Variants in ADCK2 observed in about 807,000 individuals in gnomAD.
The protein encoded by ADCK2 is aarF domain containing kinase 2, also known as uncharacterized aarF domain-containing protein kinase 2.
A neutral mutation model predicts 52.3 loss-of-function variants in ADCK2; 37 were observed. The observed-to-expected ratio is 0.71, with a 90% CI of 0.54 to 0.93. The LOEUF is 0.93. ADCK2 is among the 40% of genes least tolerant of loss of function. The pLI, the probability that ADCK2 is intolerant of heterozygous loss-of-function variation, is 0.00. For synonymous variants in ADCK2, 321 were observed against 349.2 expected, an observed-to-expected ratio of 0.92 and a Z score of 0.90; for missense variants, 695 against 798.7, an observed-to-expected ratio of 0.87 and a Z score of 1.56.
chr7:140,693,812 C>A lies in ADCK2; in HGVS notation c.1741-851C>A, dbSNP rs1794748641. 6.6e-6 allele frequency among the ~76,000 whole-genome samples: 1 copy of A among 152,106 alleles called. No homozygotes were observed. The highest frequency in any genetic ancestry group is 1.5e-5 in the Non-Finnish European group (1 of 68,016). On this transcript the variant is annotated intron_variant, in intron 7 of 7. Transcript: ENST00000072869. The surrounding 1 kb of genome is among the most constrained non-coding windows in gnomAD (Gnocchi z 4.0). ...GCAAGCTCTGCCTCCCGAGTTCAGGCCATTCTCCTGCCTCAGCCTCCCGAG... is the reference window on the plus strand; with the variant it reads ...GCAAGCTCTGCCTCCCGAGTTCAGGACATTCTCCTGCCTCAGCCTCCCGAG...
At position 140,674,272 on chromosome 7, in the gene ADCK2, T is replaced by A. The variant is rs1268007181; in HGVS notation, c.933+9T>A. 1.9e-6 allele frequency: 3 copies of A among 1,604,338 alleles called. No individual in the cohort carries two copies. The East Asian group carries it at 6.7e-5, about 36-fold the overall frequency. Reference sequence around the variant, plus strand: ...TCTCCGTGGCAGTGAAAGTAAGTGTTGTGAGAGCTCACAGCTCACCTACCC... The same window carrying A: ...TCTCCGTGGCAGTGAAAGTAAGTGTAGTGAGAGCTCACAGCTCACCTACCC... On this transcript the variant is annotated intron_variant, in intron 1 of 7. Coordinates refer to ENST00000072869, the MANE Select transcript of ADCK2 (RefSeq NM_052853.4). This position sits in a 1 kb window ranked among gnomAD's most constrained non-coding sequence, Gnocchi z 4.6.
At chr7:140,675,780 T>C (rs549378421) in intron 2 of ADCK2, among the ~76,000 whole-genome samples, 2 of 152,348 alleles carry the variant, frequency 1.3e-5, no homozygotes, top group South Asian at 4.1e-4. Flanking sequence ...CAAAGTCACA[T>C]ACTGTGCCTT....
chr7:140,681,608 C>A (rs1794517877), intron 4 of ADCK2, among the ~76,000 whole-genome samples: 1 of 152,022 alleles, frequency 6.6e-6, no homozygotes, highest in Non-Finnish European at 1.5e-5. Flanking sequence ...GTGTGAACCA[C>A]CACACCCGGC....
At chr7:140,686,963 C>T in intron 4 of ADCK2, 27 bp from the exon 5 acceptor site, 2 of 1,606,490 alleles carry the variant, frequency 1.2e-6, no homozygotes, top group Non-Finnish European at 1.7e-6. Flanking sequence ...GGGCGACTCA[C>T]TCATGAGCAT....
At position 140,674,682 on chromosome 7, in the gene ADCK2, G is replaced by C. The variant is rs142577491; in HGVS notation, c.1005G>C (p.Leu335=). 410 of 1,614,112 alleles carry C rather than the reference G, an allele frequency of 2.5e-4. 2 individuals are homozygous for C. The African/African-American group carries it at 4.6e-3, about 18-fold the overall frequency. The change falls in exon 2 of 8, where the codon CTG becomes CTC. Residue 335 remains leucine, a synonymous_variant. Transcript: ENST00000072869. This position sits in a 1 kb window ranked among gnomAD's most constrained non-coding sequence, Gnocchi z 4.6. The part of the protein sequence containing the change: ...LLLMKIGSRV[L]GVLPGIKWLS... ...TGATGAAGATTGGCAGCCGAGTCCT[G>C]GGAGTTTTGCCAGGCATCAAGTGGC...
At position 140,694,810 on chromosome 7, in the gene ADCK2, A is replaced by C; in HGVS notation, c.*7A>C. The C allele has an allele frequency of 6.2e-7, 1 of 1,611,142 alleles. No individual in the cohort carries two copies. Among genetic ancestry groups the C allele is most frequent in the Non-Finnish European group, 8.5e-7 (1 of 1,178,444 alleles). On this transcript the variant is annotated 3_prime_UTR_variant, in exon 8 of 8. Coordinates refer to ENST00000072869, the MANE Select transcript of ADCK2 (RefSeq NM_052853.4). ...CCCAGTGTGCCCCCCGTGATGGGGCAGTGGCCTCTGTGGGCCCTTGTCAAG... is the reference window on the plus strand; with the variant it reads ...CCCAGTGTGCCCCCCGTGATGGGGCCGTGGCCTCTGTGGGCCCTTGTCAAG...
intron 3 of ADCK2, 141 bp from the exon 4 acceptor site, chr7:140,680,901 C>A: frequency 1.4e-6 from 1 of 708,886 alleles, no homozygotes; most frequent in Non-Finnish European, 2.5e-6. Context: ...GGCTGAATGA[C>A]AGATGGGTTC....
At chr7:140,690,973 T>C (rs1193748790) in intron 7 of ADCK2, among the ~76,000 whole-genome samples, 160 bp downstream of exon 7, 1 of 151,978 alleles carries the variant, frequency 6.6e-6, no homozygotes, top group African/African-American at 2.4e-5. Flanking sequence ...TCGCCCAGGG[T>C]GGAGTGCAGT....
In ADCK2 at chr7:140,673,255, G is replaced by A; in HGVS notation, c.-76G>A. 1 of 1,296,756 alleles carries A rather than the reference G, an allele frequency of 7.7e-7. No homozygotes were observed. Among genetic ancestry groups the A allele is most frequent in the Non-Finnish European group, 1.0e-6 (1 of 997,006 alleles). The allele number at this position is 1,296,756 out of a possible 1,614,324, so 80.3% of individuals were successfully genotyped here. ...GTCCGCGGGGTCAGGGCCGGGCTTC[G>A]GCTTCACCGCAGCCTCGCCTGAGCG... On this transcript the variant is annotated 5_prime_UTR_variant, in exon 1 of 8. Transcript: ENST00000072869. The surrounding 1 kb of genome is among the most constrained non-coding windows in gnomAD (Gnocchi z 6.4).
At chr7:140,689,793 G>A in intron 6 of ADCK2, 68 bp downstream of exon 6, 1 of 1,446,272 alleles carries the variant, frequency 6.9e-7, no homozygotes, top group Non-Finnish European at 9.2e-7. Flanking sequence ...GCAGATCCTG[G>A]GTCTAAGGGA....
intron 3 of ADCK2, among the ~76,000 whole-genome samples, chr7:140,680,150 ATT>A (rs34658235): frequency 7.1e-6 from 1 of 141,558 alleles, no homozygotes; most frequent in African/African-American, 2.6e-5. Flanking sequence ...TGTTTTGACA[ATT>A]TTTTTTTTTT....
chr7:140,690,256 G>A (rs1408726898), intron 6 of ADCK2, among the ~76,000 whole-genome samples: 1 of 152,124 alleles, frequency 6.6e-6, no homozygotes, highest in African/African-American at 2.4e-5. Context: ...AGGTTGGAGT[G>A]TAGTGATGCT....
intron 5 of ADCK2, among the ~76,000 whole-genome samples, chr7:140,688,973 A>T (rs1391058427): frequency 2.7e-5 from 4 of 147,766 alleles, no homozygotes; most frequent in East Asian, 4.0e-4. Context: ...TAATTAATTA[A>T]TTTTTTTTTT....
intron 4 of ADCK2, among the ~76,000 whole-genome samples, chr7:140,686,605 G>A (rs1794608700): frequency 6.6e-6 from 1 of 151,820 alleles, no homozygotes; most frequent in African/African-American, 2.4e-5. Context: ...TACAAGACAG[G>A]GTCCTGCTGT....
Position 140,688,190 on chromosome 7 carries a change from C to T in ADCK2, c.1557+949C>T, listed in dbSNP as rs144915094. 5.7e-3 allele frequency among the ~76,000 whole-genome samples: 872 copies of T among 152,168 alleles called. 6 individuals are homozygous for T. The highest frequency in any genetic ancestry group is 0.02 in the African/African-American group (810 of 41,522). ...TCCTGAGTAGCAGGGATTACAGGCA[C>T]ATGCCACCATGCCCGGCCACTTTTT... is the stretch of plus-strand genomic sequence containing the variant. On this transcript the variant is annotated intron_variant, in intron 5 of 7. Coordinates refer to ENST00000072869, the MANE Select transcript of ADCK2 (RefSeq NM_052853.4).
Position 140,694,952 on chromosome 7 carries a change from T to G in ADCK2, c.*149T>G. 7.1e-7 allele frequency: 1 copy of G among 1,414,092 alleles called. No homozygotes were observed. Among genetic ancestry groups the G allele is most frequent in the South Asian group, 1.6e-5 (1 of 62,238 alleles). 87.6% of individuals were successfully genotyped at this position (1,414,092 alleles called of 1,614,324 possible). ...AAGGCACACCATGGCTTCCTCTGCT[T>G]GGTTTGAGGGTCTGTTCAAAAGCTT... On this transcript the variant is annotated 3_prime_UTR_variant, in exon 8 of 8. Transcript: ENST00000072869.
At chr7:140,680,589 C>T (rs1794499474) in intron 3 of ADCK2, among the ~76,000 whole-genome samples, 1 of 152,068 alleles carries the variant, frequency 6.6e-6, no homozygotes, top group South Asian at 2.1e-4. Context: ...TCTTCAGTAG[C>T]AGAGTTGATA....
At chr7:140,681,882 A>G (rs926124704) in intron 4 of ADCK2, among the ~76,000 whole-genome samples, 5 of 152,050 alleles carry the variant, frequency 3.3e-5, no homozygotes, top group Non-Finnish European at 7.4e-5. Context: ...TGGCCTCCCA[A>G]AGTGTTGGGA....
chr7:140,681,247 C>T lies in ADCK2; in HGVS notation c.1305+110C>T, dbSNP rs746353241. On this transcript the variant is annotated intron_variant, in intron 4 of 7. Coordinates refer to ENST00000072869, the MANE Select transcript of ADCK2 (RefSeq NM_052853.4). ...TGGGAAGGAGAGCGAAGCAGCAAGC[C>T]GCCAGGTTGAGAAAGTCTGGTCTAG... 45 of 989,760 alleles carry T rather than the reference C, an allele frequency of 4.5e-5. No homozygotes were observed. In the Middle Eastern group the frequency reaches 8.2e-4, roughly 18 times the overall value. 61.3% of individuals were successfully genotyped at this position (989,760 alleles called of 1,614,324 possible).
Sources: allele counts gnomAD v4.1 joint callset (sites outside exome capture counted in the v4.1 genomes callset), GRCh38; gene constraint gnomAD v4.1.1; non-coding constraint Gnocchi (gnomAD v3.1); transcripts MANE v1.5; gene names NCBI Gene and HGNC (gene_info 2026-07-23, HGNC 2026-07-21).